The following GNPDA2 variants were observed in gnomAD, a reference collection of about 807,000 sequenced individuals.
GNPDA2 encodes glucosamine-6-phosphate deaminase 2, also known as glcN6P deaminase 2.
Under a neutral mutation model 27.0 loss-of-function variants are expected in GNPDA2, and 24 were observed. The observed-to-expected ratio is 0.89, with a 90% CI of 0.64 to 1.25. The LOEUF is 1.25. Ranked by LOEUF, GNPDA2 falls within the 50% of genes most tolerant of loss-of-function variation. The pLI is 0.00. For missense variants in GNPDA2, 286 were observed against 335.1 expected (o/e 0.85, Z 1.14); for synonymous variants, 94 against 108.4 (o/e 0.87, Z 0.83).
rs772248453 is a variant in GNPDA2, at chr4:44,717,078, TAACA to T, written c.409+31_409+34del. 2.2e-5 allele frequency: 32 copies of T among 1,455,242 alleles called. No homozygotes were observed. The Admixed American group carries it at 5.0e-4, about 23-fold the overall frequency. 90.1% of individuals were successfully genotyped at this position (1,455,242 alleles called of 1,614,324 possible). On this transcript the variant is annotated intron_variant, in intron 4 of 6. Coordinates refer to ENST00000295448, the MANE Select transcript of GNPDA2 (RefSeq NM_138335.3). ...ATTTAAAAATCCCTAATTCAAACAC[TAACA>T]AACAGTTAATGACAAAAGGTTTTTA...
intron 5 of GNPDA2, among the ~76,000 whole-genome samples, chr4:44,710,749 A>G (rs1716922618): frequency 6.6e-6 from 1 of 152,188 alleles, no homozygotes. Flanking sequence ...GTGGTGCTTA[A>G]TTCTTAGTTT....
chr4:44,701,809 G>A lies in GNPDA2; in HGVS notation c.*1272C>T, dbSNP rs1395922797. On this transcript the variant is annotated 3_prime_UTR_variant, in exon 7 of 7. Transcript: ENST00000295448. ...TATAAGGCTATTAAAACATCATCTG[G>A]AATTAAAGCAGCATAATTTACCCCA... is the stretch of plus-strand genomic sequence containing the variant. The A allele has an allele frequency of 1.0e-6, 1 of 983,810 alleles. No individual in the cohort carries two copies. Among genetic ancestry groups the A allele is most frequent in the African/African-American group, 1.8e-5 (1 of 57,122 alleles). 60.9% of individuals were successfully genotyped at this position (983,810 alleles called of 1,614,324 possible). A position where few individuals can be genotyped will look rare whatever the true frequency, so the allele number is the denominator to read the frequency against.
At chr4:44,712,548 A>G (rs1050012226) in intron 4 of GNPDA2, among the ~76,000 whole-genome samples, 2 of 152,162 alleles carry the variant, frequency 1.3e-5, no homozygotes, top group African/African-American at 4.8e-5. Context: ...TATATTAATT[A>G]TAGACATTAA....
At chr4:44,724,035 GGCAGTCGATCGT>G (rs2109727431) in intron 1 of GNPDA2, among the ~76,000 whole-genome samples, 1 of 152,298 alleles carries the variant, frequency 6.6e-6, no homozygotes, top group Non-Finnish European at 1.5e-5. Flanking sequence ...GGTGGTGGAA[GGCAGTCGATCGT>G]AGGGAGAGTA....
At chr4:44,706,216 ATTTTTCAGTTTTTCAG>A (rs368274311) in intron 6 of GNPDA2, 13 of 151,764 alleles carry the variant, frequency 8.6e-5, no homozygotes, top group African/African-American at 2.7e-4. Flanking sequence ...CAAATCAGAA[ATTTTTCAGTTTTTCAG>A]TTTTTCAGTT....
At chr4:44,705,824 T>C (rs901749488) in intron 6 of GNPDA2, 1 of 151,962 alleles carries the variant, frequency 6.6e-6, no homozygotes, top group African/African-American at 2.4e-5. Context: ...CTCTGTCTGT[T>C]AAGCCTATTA....
intron 1 of GNPDA2, among the ~76,000 whole-genome samples, chr4:44,724,691 G>A (rs1057452876): frequency 1.3e-5 from 2 of 152,104 alleles, no homozygotes; most frequent in African/African-American, 2.4e-5. Flanking sequence ...CTAAATTAAT[G>A]AGATTAAAAG....
chr4:44,724,095 GT>G (rs991600590), intron 1 of GNPDA2, among the ~76,000 whole-genome samples: 1 of 152,120 alleles, frequency 6.6e-6, no homozygotes, highest in African/African-American at 2.4e-5. Flanking sequence ...GGGGAGATGG[GT>G]TTTTTCCTTT....
chr4:44,703,554 CTT>C, intron 6 of GNPDA2: 1 of 991,672 alleles, frequency 1.0e-6, no homozygotes, highest in Non-Finnish European at 1.2e-6. Context: ...CTGTCTCACT[CTT>C]AATACATTAC....
At chr4:44,712,669 A>G (rs1286421050) in intron 4 of GNPDA2, among the ~76,000 whole-genome samples, 1 of 152,152 alleles carries the variant, frequency 6.6e-6, no homozygotes, top group Non-Finnish European at 1.5e-5. Flanking sequence ...GGAAAATACA[A>G]GCTTCAGGAA....
chr4:44,716,215 T>C (rs1717272393), intron 4 of GNPDA2, among the ~76,000 whole-genome samples: 1 of 151,928 alleles, frequency 6.6e-6, no homozygotes, highest in Admixed American at 6.6e-5. Context: ...TAATCAACTA[T>C]CTCAACCATA....
intron 2 of GNPDA2, among the ~76,000 whole-genome samples, chr4:44,720,834 CAA>C (rs1236579481): frequency 2.0e-5 from 3 of 152,056 alleles, no homozygotes; most frequent in Non-Finnish European, 4.4e-5. Flanking sequence ...TCTAAATACA[CAA>C]AAAGATGTTT....
chr4:44,706,755 G>T (rs953598130), intron 6 of GNPDA2: 3 of 151,824 alleles, frequency 2.0e-5, no homozygotes, highest in African/African-American at 7.3e-5. Flanking sequence ...ATCAAATATG[G>T]TAGCTTTTTT....
Position 44,721,971 on chromosome 4 carries a change from T to C in GNPDA2, c.124+113A>G, listed in dbSNP as rs73181482. On this transcript the variant is annotated intron_variant, in intron 2 of 6. Coordinates refer to ENST00000295448, the MANE Select transcript of GNPDA2 (RefSeq NM_138335.3). ...GGCCTTTTATACTATGATGTTCAAT[T>C]AGTGACATGCCAATAAATGAATGGG... The C allele has an allele frequency of 8.1e-3, 6,262 of 776,774 alleles. 286 individuals carry two copies. In the African/African-American group the frequency reaches 0.1, roughly 12 times the overall value. 48.1% of individuals were successfully genotyped at this position (776,774 alleles called of 1,614,324 possible).
intron 6 of GNPDA2, chr4:44,705,371 C>A (rs1049711179): frequency 1.4e-5 from 14 of 985,100 alleles, no homozygotes; most frequent in Non-Finnish European, 1.7e-5. Context: ...ATTCTGTCTT[C>A]ATATTGAAGG....
At chr4:44,720,960 G>GT (rs1717625252) in intron 2 of GNPDA2, among the ~76,000 whole-genome samples, 1 of 151,846 alleles carries the variant, frequency 6.6e-6, no homozygotes, top group South Asian at 2.1e-4. Flanking sequence ...GTAATGAAGG[G>GT]TAACAGTATA....
intron 5 of GNPDA2, among the ~76,000 whole-genome samples, chr4:44,710,227 A>G (rs1046667238): frequency 3.9e-5 from 6 of 152,146 alleles, no homozygotes; most frequent in African/African-American, 1.4e-4. Context: ...TCAAGTTTAA[A>G]TATAATTATA....
At chr4:44,717,991 GA>G (rs1430985830) in intron 3 of GNPDA2, among the ~76,000 whole-genome samples, 1 of 151,594 alleles carries the variant, frequency 6.6e-6, no homozygotes, top group East Asian at 1.9e-4. Flanking sequence ...TCTGCCTTAA[GA>G]AAAAAAGAGA....
chr4:44,704,631 C>G, intron 6 of GNPDA2: 2 of 854,620 alleles, frequency 2.3e-6, no homozygotes, highest in Non-Finnish European at 2.8e-6. Context: ...AAACTGACAA[C>G]TTTCTACATA....
Sources: gnomAD v4.1 joint callset for allele counts (sites outside exome capture counted in the v4.1 genomes callset) on GRCh38, gnomAD v4.1.1 for gene constraint, MANE v1.5 for transcripts, NCBI Gene and HGNC (gene_info 2026-07-23, HGNC 2026-07-21) for gene names.